Variants in ADARB2 observed in about 807,000 individuals in gnomAD.
The protein encoded by ADARB2 is inactive double-stranded RNA-specific editase B2.
ADARB2 carries 25 observed loss-of-function variants against 62.2 expected under a neutral mutation model. The ratio of observed to expected loss-of-function variants is 0.40; its 90% CI spans 0.29 to 0.56. The LOEUF (loss-of-function observed/expected upper bound fraction) is 0.56, where lower values mean the gene tolerates loss of function less well. ADARB2 is among the 20% of genes least tolerant of loss of function. The probability of loss-of-function intolerance (pLI) is 0.43; values close to 1 mark genes in which losing one functional copy is unlikely to be tolerated. For missense variants in ADARB2, 1,071 were observed against 1,077.4 expected, an observed-to-expected ratio of 0.99 and a Z score of 0.08; for synonymous variants, 572 against 500.8, an observed-to-expected ratio of 1.14 and a Z score of -1.90.
intron 1 of ADARB2, among the ~76,000 whole-genome samples, chr10:1,641,904 C>T (rs7092650): frequency 0.49 from 74,972 of 151,824 alleles, 20,731 homozygotes; most frequent in East Asian, 0.69. Flanking sequence ...TCCCAGCTAC[C>T]TGGGAGGCTG....
intron 3 of ADARB2, among the ~76,000 whole-genome samples, chr10:1,343,834 C>T (rs1231047053): frequency 6.6e-6 from 1 of 152,090 alleles, no homozygotes; most frequent in Non-Finnish European, 1.5e-5. Context: ...GCACCTATGG[C>T]CACAAATGGG....
intron 1 of ADARB2, chr10:1,556,699 A>G (rs1010293736): frequency 3.4e-5 from 18 of 534,414 alleles, no homozygotes; most frequent in African/African-American, 3.3e-4. Flanking sequence ...CCGGGACCAG[A>G]GGGCACATCC....
intron 1 of ADARB2, among the ~76,000 whole-genome samples, chr10:1,410,849 G>A (rs980318957): frequency 2.0e-5 from 3 of 152,156 alleles, no homozygotes; most frequent in Admixed American, 6.5e-5. Context: ...TGTGAGTGCC[G>A]CCTGATCACT....
At chr10:1,463,472 G>A (rs1323601623) in intron 1 of ADARB2, among the ~76,000 whole-genome samples, 4 of 152,202 alleles carry the variant, frequency 2.6e-5, no homozygotes, top group South Asian at 2.1e-4. Flanking sequence ...CAGCTTTTCC[G>A]CTAAAGTGGT....
chr10:1,211,188 C>T (rs2131749279), intron 7 of ADARB2, among the ~76,000 whole-genome samples: 1 of 150,926 alleles, frequency 6.6e-6, no homozygotes, highest in Middle Eastern at 3.4e-3. Context: ...ATCTAATTTT[C>T]ATCTATCATC....
chr10:1,737,221 C>G lies in ADARB2; in HGVS notation c.-71G>C, dbSNP rs1206928130. 5 of 1,458,408 alleles carry G rather than the reference C, an allele frequency of 3.4e-6. No homozygotes were observed. Among genetic ancestry groups the G allele is most frequent in the Non-Finnish European group, 4.7e-6 (5 of 1,059,144 alleles). 90.3% of individuals were successfully genotyped at this position (1,458,408 alleles called of 1,614,324 possible). A position where few individuals can be genotyped will look rare whatever the true frequency, so the allele number is the denominator to read the frequency against. On this transcript the variant is annotated 5_prime_UTR_variant, in exon 1 of 10. Coordinates refer to ENST00000381312, the MANE Select transcript of ADARB2 (RefSeq NM_018702.4). ...CTGCACCTGCCTCCTTCCCGGCAGCCGCCGCCGCCGCTGCTGCGAAGCTTG... is the reference window on the plus strand; with the variant it reads ...CTGCACCTGCCTCCTTCCCGGCAGCGGCCGCCGCCGCTGCTGCGAAGCTTG...
At chr10:1,265,373 C>T (rs1831184816) in intron 4 of ADARB2, among the ~76,000 whole-genome samples, 1 of 152,246 alleles carries the variant, frequency 6.6e-6, no homozygotes, top group African/African-American at 2.4e-5. Flanking sequence ...TAAAGCGGTG[C>T]CCTGACAGTT....
intron 1 of ADARB2, among the ~76,000 whole-genome samples, chr10:1,559,008 T>G (rs555287833): frequency 5.3e-4 from 80 of 152,326 alleles, no homozygotes; most frequent in African/African-American, 1.8e-3. Context: ...TGGCACTGCT[T>G]TTGAGGCTTG....
At chr10:1,206,643 T>A (rs1837071502) in intron 7 of ADARB2, among the ~76,000 whole-genome samples, 1 of 152,146 alleles carries the variant, frequency 6.6e-6, no homozygotes, top group Non-Finnish European at 1.5e-5. Context: ...GTTCTTTCTG[T>A]GAAGATGGCG....
intron 1 of ADARB2, among the ~76,000 whole-genome samples, chr10:1,608,979 C>T (rs973672743): frequency 4.6e-5 from 7 of 152,152 alleles, no homozygotes; most frequent in Non-Finnish European, 4.4e-5. Context: ...ACCGTGGCAT[C>T]CTCTTGAGGC....
chr10:1,471,019 A>T (rs906951777), intron 1 of ADARB2, among the ~76,000 whole-genome samples: 1 of 152,184 alleles, frequency 6.6e-6, no homozygotes, highest in Non-Finnish European at 1.5e-5. Flanking sequence ...AGATGGCGCC[A>T]CTGCACTCCA....
chr10:1,574,919 G>T (rs1056416019), intron 1 of ADARB2, among the ~76,000 whole-genome samples: 1 of 91,774 alleles, frequency 1.1e-5, no homozygotes, highest in Non-Finnish European at 2.4e-5. Context: ...ATCTCAGGAT[G>T]TTGAGTGGCA....
At chr10:1,310,357 A>G (rs184159483) in intron 3 of ADARB2, among the ~76,000 whole-genome samples, 38 of 150,388 alleles carry the variant, frequency 2.5e-4, no homozygotes, top group African/African-American at 9.5e-4. Flanking sequence ...AGATGTTGGA[A>G]TCAATGAGAA....
intron 1 of ADARB2, among the ~76,000 whole-genome samples, chr10:1,587,808 T>A (rs1833199508): frequency 6.6e-6 from 1 of 152,154 alleles, no homozygotes; most frequent in South Asian, 2.1e-4. Context: ...CGGTTCCCCC[T>A]GTACTATTCT....
chr10:1,246,962 T>C (rs554292121), intron 4 of ADARB2, among the ~76,000 whole-genome samples: 3 of 152,228 alleles, frequency 2.0e-5, no homozygotes, highest in Admixed American at 2.0e-4. Context: ...TTCCCACCCA[T>C]GAGCATGGAA....
intron 1 of ADARB2, among the ~76,000 whole-genome samples, chr10:1,577,269 C>G (rs1833035257): frequency 7.0e-6 from 1 of 143,634 alleles, no homozygotes; most frequent in Admixed American, 7.0e-5. Flanking sequence ...CAGTAATACC[C>G]TCATGCACAC....
chr10:1,319,136 C>T (rs1013364922), intron 3 of ADARB2, among the ~76,000 whole-genome samples: 2 of 152,148 alleles, frequency 1.3e-5, no homozygotes, highest in Non-Finnish European at 2.9e-5. Flanking sequence ...TAGGATGGGG[C>T]TGGTGTCTTA....
At chr10:1,721,520 G>A (rs1302064411) in intron 1 of ADARB2, among the ~76,000 whole-genome samples, 7 of 152,140 alleles carry the variant, frequency 4.6e-5, no homozygotes, top group Non-Finnish European at 1.0e-4. Context: ...CACACACGCT[G>A]GACACATTAG....
chr10:1,321,964 G>T (rs771296197), intron 3 of ADARB2, among the ~76,000 whole-genome samples: 2 of 152,036 alleles, frequency 1.3e-5, no homozygotes, highest in Non-Finnish European at 2.9e-5. Flanking sequence ...TTGGGTTCTC[G>T]GTGAGGGATG....
Sources: allele counts gnomAD v4.1 joint callset (sites outside exome capture counted in the v4.1 genomes callset), GRCh38; gene constraint gnomAD v4.1.1; transcripts MANE v1.5; gene names NCBI Gene and HGNC (gene_info 2026-07-23, HGNC 2026-07-21).